Variants in NCL observed in about 807,000 individuals in gnomAD.
NCL encodes the protein nucleolin multifunctional protein.
In NCL, 4 loss-of-function variants were observed where a neutral mutation model predicts 77.7. The ratio of observed to expected loss-of-function variants is 0.05; its 90% CI spans 0.03 to 0.12. NCL has a LOEUF of 0.12. Ranked by LOEUF, NCL falls within the 10% of genes least tolerant of loss-of-function variation. The pLI is 1.00. For synonymous variants in NCL, 344 were observed against 297.8 expected, an observed-to-expected ratio of 1.16 and a Z score of -1.60; for missense variants, 763 against 860.9, an observed-to-expected ratio of 0.89 and a Z score of 1.42.
At position 231,455,606 on chromosome 2, in the gene NCL, G is replaced by A. The variant is rs1007436333; in HGVS notation, c.1851C>T (p.Phe617=). The A allele has an allele frequency of 1.9e-6, 3 of 1,613,928 alleles. No individual in the cohort carries two copies. Among genetic ancestry groups the A allele is most frequent in the Admixed American group, 3.3e-5 (2 of 59,986 alleles). ...GSSKGFGFVD[F]NSEEDAKAAK... is the part of the protein sequence containing the mutation. ...CAGCTTTGGCATCCTCCTCACTGTTGAAGTCTACAAAACCAAACCTAGAAC... is the reference window on the plus strand; with the variant it reads ...CAGCTTTGGCATCCTCCTCACTGTTAAAGTCTACAAAACCAAACCTAGAAC... The change falls in exon 13 of 14, where the codon TTC becomes TTT. Residue 617 remains phenylalanine (F), a synonymous_variant. Coordinates refer to ENST00000322723, the MANE Select transcript of NCL (RefSeq NM_005381.3).
At position 231,455,416 on chromosome 2, in the gene NCL, G is replaced by T. The variant is rs780211897; in HGVS notation, c.2041C>A (p.Arg681=). 1.9e-6 allele frequency: 3 copies of T among 1,613,822 alleles called. No homozygotes were observed. Among genetic ancestry groups the T allele is most frequent in the African/African-American group, 2.7e-5 (2 of 74,880 alleles). ...GGRGGFGGRG[R]GGFGGRGGFR... Reference sequence around the variant, plus strand: ...CGTGCCTTACCTCCAAAGCCTCCCCGGCCTCTGCCACCAAATCCTCCTCGG... The same window carrying T: ...CGTGCCTTACCTCCAAAGCCTCCCCTGCCTCTGCCACCAAATCCTCCTCGG... The change falls in exon 13 of 14, where the codon CGG becomes AGG. Residue 681 remains arginine, a synonymous_variant. Coordinates refer to ENST00000322723, the MANE Select transcript of NCL (RefSeq NM_005381.3).
intron 11 of NCL, 35 bp downstream of exon 11, chr2:231,456,595 AC>A (rs765441314): frequency 1.8e-5 from 29 of 1,613,012 alleles, no homozygotes; most frequent in Non-Finnish European, 2.2e-5. Flanking sequence ...CGAGAGTGCT[AC>A]CCCCAACCAC....
rs750022967 is a variant in NCL at position 231,460,692 on chromosome 2, TC to T, written c.787del (p.Glu263ArgfsTer52). On this transcript the variant is annotated frameshift_variant, in exon 4 of 14. Coordinates refer to ENST00000322723, the MANE Select transcript of NCL (RefSeq NM_005381.3). LOFTEE classifies it high-confidence loss of function. ...DEDDDDEDDE[E>X]EEEEEEEEPV... The stretch of plus-strand genomic sequence containing the variant: ...ACCTTCCTCCTCCTCTTCTTCCTCC[TC>T]CTCATCATCTTCATCATCATCATCT... The T allele has an allele frequency of 8.1e-6, 13 of 1,611,972 alleles. No individual in the cohort carries two copies. The East Asian group carries it at 2.9e-4, about 36-fold the overall frequency.
At chr2:231,455,770 A>AAACT (rs1263737656) in intron 12 of NCL, 146 bp from the exon 13 acceptor site, 12 of 1,178,444 alleles carry the variant, frequency 1.0e-5, no homozygotes, top group Non-Finnish European at 1.5e-5. Flanking sequence ...TCTCTATGGA[A>AAACT]AACTAACTGG....
At chr2:231,462,051 C>T in intron 2 of NCL, 34 bp from the exon 3 acceptor site, 2 of 1,608,014 alleles carry the variant, frequency 1.2e-6, no homozygotes, top group East Asian at 2.2e-5. Context: ...CCAGTAAGTC[C>T]AGCCCCACAC....
chr2:231,455,983 A>G (rs1207512263), intron 12 of NCL, 27 bp downstream of exon 12: 1 of 1,614,190 alleles, frequency 6.2e-7, no homozygotes, highest in Admixed American at 1.7e-5. Flanking sequence ...TTCAAGTGGA[A>G]GCAGCACTCA....
chr2:231,461,952 G>A lies in NCL; in HGVS notation c.201C>T (p.Ser67=), dbSNP rs116190602. 3,945 of 1,614,122 alleles carry A rather than the reference G, an allele frequency of 2.4e-3. 85 individuals are homozygous for A. In the African/African-American group the frequency reaches 0.046, roughly 19 times the overall value. ...TGGCAACTGCAACCTTTTTTGTTGGGGAAACGACCACCTTCTTTGCTGAGG... is the reference window on the plus strand; with the variant it reads ...TGGCAACTGCAACCTTTTTTGTTGGAGAAACGACCACCTTCTTTGCTGAGG... ...AATSAKKVVV[S]PTKKVAVATP... The change falls in exon 3 of 14, where the codon TCC becomes TCT. Residue 67 remains serine, a synonymous_variant. Transcript: ENST00000322723.
intron 6 of NCL, among the ~76,000 whole-genome samples, chr2:231,459,721 A>G (rs951643607): frequency 5.3e-5 from 8 of 152,104 alleles, no homozygotes; most frequent in Non-Finnish European, 1.0e-4. Flanking sequence ...AGCCTGACCA[A>G]CATGGTGAAA....
Position 231,461,742 on chromosome 2 carries a change from G to A in NCL, c.411C>T (p.Gly137=), listed in dbSNP as rs2046953944. The part of the protein sequence containing the change: ...AAIPAKGAKN[G]KNAKKEDSDE... The stretch of plus-strand genomic sequence containing the variant: ...CACTGTCTTCCTTCTTGGCATTCTT[G>A]CCATTCTTTGCCCCCTTGGCTGGGA... Residue 137 remains glycine, a synonymous_variant, in exon 3 of 14, where the codon GGC becomes GGT. Transcript: ENST00000322723. 1.2e-6 allele frequency: 2 copies of A among 1,614,118 alleles called. No homozygotes were observed. Among genetic ancestry groups the A allele is most frequent in the Non-Finnish European group, 1.7e-6 (2 of 1,180,032 alleles).
At chr2:231,455,941 T>TA (rs1300100836) in intron 12 of NCL, 69 bp downstream of exon 12, 4 of 1,611,020 alleles carry the variant, frequency 2.5e-6, no homozygotes, top group Non-Finnish European at 3.4e-6. Context: ...GAAGACACAT[T>TA]AGACTCAAGG....
intron 12 of NCL, 189 bp from the exon 13 acceptor site, chr2:231,455,813 T>C (rs1235604333): frequency 8.7e-7 from 1 of 1,151,490 alleles, no homozygotes; most frequent in Non-Finnish European, 1.3e-6. Context: ...TGTCTCACAA[T>C]ACAGCTAAAT....
rs1212582426 is a variant in NCL at position 231,454,002 on chromosome 2, TGA to T, written c.*1187_*1188del. ...CTTGTCTTTTACTAAAAAGGGAGGT[TGA>T]GAGGCAAGTACTTAAGACCAGAAAG... On this transcript the variant is annotated 3_prime_UTR_variant, in exon 14 of 14. Transcript: ENST00000322723. The T allele has an allele frequency of 6.6e-6, 1 of 152,178 alleles. No individual in the cohort carries two copies. Among genetic ancestry groups the T allele is most frequent in the Non-Finnish European group, 1.5e-5 (1 of 68,030 alleles). The allele number at this position is 152,178 out of a possible 1,614,324, so 9.4% of individuals were successfully genotyped here. A position where few individuals can be genotyped will look rare whatever the true frequency, so the allele number is the denominator to read the frequency against.
In NCL at chr2:231,455,253, G is replaced by A. The variant is rs776783577; in HGVS notation, c.2071C>T (p.Arg691Ter). ...TCACCTCCTCCTCCTCTGCCTCCTC[G>A]GAAGCCTCCTCGCCCTACAGGAGGA... ...RGGFGGRGGF[R>*]GGRGGGGDHK... The change falls in exon 14 of 14, where the codon CGA (arginine) becomes TGA (stop). Residue 691 changes from arginine (R) to a stop codon, truncating the protein, a stop_gained. Coordinates refer to ENST00000322723, the MANE Select transcript of NCL (RefSeq NM_005381.3). LOFTEE classifies it high-confidence loss of function. 4 of 1,613,718 alleles carry A rather than the reference G, an allele frequency of 2.5e-6. No individual in the cohort carries two copies. Among genetic ancestry groups the A allele is most frequent in the Admixed American group, 1.7e-5 (1 of 59,986 alleles).
intron 2 of NCL, chr2:231,462,618 T>C: frequency 2.0e-6 from 1 of 498,390 alleles, no homozygotes; most frequent in Non-Finnish European, 4.0e-6. Flanking sequence ...TGTGGAAGAG[T>C]AAAACTTTCA....
At chr2:231,461,233 G>A (rs372930588) in intron 3 of NCL, among the ~76,000 whole-genome samples, 24 of 151,478 alleles carry the variant, frequency 1.6e-4, no homozygotes, top group Non-Finnish European at 3.2e-4. Context: ...CCGAGATAGC[G>A]CGCCATTGCA....
chr2:231,460,018 G>T, intron 6 of NCL, 134 bp downstream of exon 6: 1 of 1,055,324 alleles, frequency 9.5e-7, no homozygotes, highest in Non-Finnish European at 1.4e-6. Flanking sequence ...TTCTAACTTA[G>T]TTCACTAATG....
At position 231,459,015 on chromosome 2, in the gene NCL, T is replaced by G; in HGVS notation, c.1151A>C (p.Lys384Thr). Reference protein sequence around the residue: ...NEIKLEKPKGKDSKKERDART... With the variant: ...NEIKLEKPKGTDSKKERDART... The stretch of plus-strand genomic sequence containing the variant: ...GCCTTACATACCTTTCTTACTGTCT[T>G]TTCCTTTTGGTTTCTCTAGTTTAAT... The change falls in exon 7 of 14, where the codon AAA becomes ACA. Residue 384 changes from lysine (K) to threonine (T), a missense_variant. This residue lies in a region of NCL where 590 missense variants were observed against 570.5 expected (regional missense o/e 1.03). Coordinates refer to ENST00000322723, the MANE Select transcript of NCL (RefSeq NM_005381.3). 1 of 1,594,396 alleles carries G rather than the reference T, an allele frequency of 6.3e-7. No homozygotes were observed. Among genetic ancestry groups the G allele is most frequent in the Non-Finnish European group, 8.5e-7 (1 of 1,172,690 alleles).
intron 3 of NCL, among the ~76,000 whole-genome samples, chr2:231,461,287 A>G (rs576009590): frequency 2.7e-5 from 2 of 73,208 alleles, no homozygotes; most frequent in Non-Finnish European, 5.9e-5. Context: ...AAAAAAATTT[A>G]AAAAAAAAAA....
intron 1 of NCL, chr2:231,463,831 G>A (rs2046974281): frequency 6.0e-6 from 1 of 167,654 alleles, no homozygotes; most frequent in Non-Finnish European, 1.3e-5. Context: ...GCACGCGGCA[G>A]AGCCACCTTC....
Sources: gnomAD v4.1 joint callset for allele counts (sites outside exome capture counted in the v4.1 genomes callset) on GRCh38, gnomAD v4.1.1 for gene constraint, gnomAD v4.1.1 regional missense constraint, MANE v1.5 for transcripts, NCBI Gene and HGNC (gene_info 2026-07-23, HGNC 2026-07-21) for gene names.